IPPK: variants seen among roughly 807,000 people sequenced by gnomAD.
The protein encoded by IPPK is IPK1 homolog.
In IPPK, 22 loss-of-function variants were observed where a neutral mutation model predicts 64.6. That is an observed-to-expected ratio of 0.34 (90% CI 0.24 to 0.49). IPPK has a LOEUF of 0.49. Among genes scored for constraint, IPPK ranks in the 20% least tolerant of loss-of-function variants. IPPK has a pLI of 0.99. For missense variants in IPPK, 532 were observed against 630.7 expected (o/e 0.84, Z 1.68); for synonymous variants, 262 against 247.2 (o/e 1.06, Z -0.56).
At chr9:92,628,810 GA>G (rs996094779) in intron 11 of IPPK, among the ~76,000 whole-genome samples, 3 of 152,144 alleles carry the variant, frequency 2.0e-5, no homozygotes, top group Admixed American at 2.0e-4. Flanking sequence ...CCAGGAGGCA[GA>G]GGTTGTTGCA....
At chr9:92,659,152 GCA>G (rs1852431154) in intron 1 of IPPK, among the ~76,000 whole-genome samples, 1 of 152,154 alleles carries the variant, frequency 6.6e-6, no homozygotes, top group Admixed American at 6.5e-5. Context: ...ATACACGTGA[GCA>G]CACACACGTA....
intron 11 of IPPK, among the ~76,000 whole-genome samples, chr9:92,630,515 G>A (rs1283851504): frequency 1.3e-5 from 2 of 152,014 alleles, no homozygotes; most frequent in African/African-American, 4.8e-5. Context: ...ACTTTCAGTG[G>A]GTAAACTGTA....
At position 92,619,411 on chromosome 9, in the gene IPPK, T is replaced by C. The variant is rs922926235; in HGVS notation, c.1250+75A>G. On this transcript the variant is annotated intron_variant, in intron 12 of 12. Coordinates refer to ENST00000287996, the MANE Select transcript of IPPK (RefSeq NM_022755.6). ...TCTCTAAATATGGGGAAACCAACTATCCTATTAACAATTCACCAACTGTCC... is the reference window on the plus strand; with the variant it reads ...TCTCTAAATATGGGGAAACCAACTACCCTATTAACAATTCACCAACTGTCC... 13 of 1,201,234 alleles carry C rather than the reference T, an allele frequency of 1.1e-5. No individual in the cohort carries two copies. The East Asian group carries it at 2.6e-4, about 24-fold the overall frequency. The allele number at this position is 1,201,234 out of a possible 1,614,324, so 74.4% of individuals were successfully genotyped here.
intron 12 of IPPK, 112 bp from the exon 13 acceptor site, chr9:92,616,169 G>C: frequency 1.4e-6 from 1 of 733,678 alleles, no homozygotes; most frequent in South Asian, 1.9e-5. Flanking sequence ...TTTTTTCTTT[G>C]ACTTCTGCAA....
Position 92,646,026 on chromosome 9 carries a change from A to C in IPPK, c.504+2033T>G, listed in dbSNP as rs147600498. Reference sequence around the variant, plus strand: ...ATATAATTTAAGAGACAACTGCATAAGGTAATAATTACAAATCTGTATCAC... The same window carrying C: ...ATATAATTTAAGAGACAACTGCATACGGTAATAATTACAAATCTGTATCAC... On this transcript the variant is annotated intron_variant, in intron 6 of 12. Coordinates refer to ENST00000287996, the MANE Select transcript of IPPK (RefSeq NM_022755.6). Among the ~76,000 whole-genome samples, 291 of 152,324 alleles carry C rather than the reference A, an allele frequency of 1.9e-3. 1 individual carries two copies. Among genetic ancestry groups the C allele is most frequent in the African/African-American group, 6.4e-3 (268 of 41,576 alleles).
At chr9:92,625,009 C>T (rs561251071) in intron 11 of IPPK, among the ~76,000 whole-genome samples, 2 of 151,780 alleles carry the variant, frequency 1.3e-5, no homozygotes, top group Non-Finnish European at 2.9e-5. Context: ...GTCAGTACAA[C>T]AGTTAACCCT....
chr9:92,628,624 C>T (rs1381084616), intron 11 of IPPK, among the ~76,000 whole-genome samples: 1 of 152,154 alleles, frequency 6.6e-6, no homozygotes, highest in African/African-American at 2.4e-5. Context: ...AACTGTAATC[C>T]CAGTACTTTG....
At chr9:92,661,327 T>C (rs571925724) in intron 1 of IPPK, among the ~76,000 whole-genome samples, 3 of 152,142 alleles carry the variant, frequency 2.0e-5, no homozygotes, top group Non-Finnish European at 4.4e-5. Context: ...TGAAGCCAAG[T>C]TTAGAGGAGG....
At chr9:92,648,859 C>G (rs1403593290) in intron 5 of IPPK, among the ~76,000 whole-genome samples, 1 of 152,190 alleles carries the variant, frequency 6.6e-6, no homozygotes, top group Non-Finnish European at 1.5e-5. Context: ...CAAGGGGGGC[C>G]CTGGCCCATC....
At chr9:92,633,557 C>T (rs538243526) in intron 11 of IPPK, among the ~76,000 whole-genome samples, 41 of 151,878 alleles carry the variant, frequency 2.7e-4, no homozygotes, top group South Asian at 1.7e-3. Context: ...TAGAGATGGG[C>T]GTCTCACTAT....
chr9:92,619,630 C>T, intron 11 of IPPK, 65 bp from the exon 12 acceptor site: 1 of 1,390,792 alleles, frequency 7.2e-7, no homozygotes, highest in African/African-American at 1.4e-5. Context: ...ACACAACCTT[C>T]CTTCCCAGTA....
At chr9:92,629,649 A>G (rs1460052372) in intron 11 of IPPK, among the ~76,000 whole-genome samples, 2 of 151,428 alleles carry the variant, frequency 1.3e-5, no homozygotes, top group African/African-American at 2.4e-5. Flanking sequence ...CCAGCTACTC[A>G]GGAGGCTGAG....
At chr9:92,619,727 G>C (rs868715047) in intron 11 of IPPK, 162 bp from the exon 12 acceptor site, 2 of 656,714 alleles carry the variant, frequency 3.0e-6, no homozygotes, top group Non-Finnish European at 5.4e-6. Flanking sequence ...TCAGGAGGTC[G>C]CCCTGTGAGA....
At chr9:92,620,242 C>G in intron 11 of IPPK, 1 of 155,162 alleles carries the variant, frequency 6.4e-6, no homozygotes, top group Non-Finnish European at 1.4e-5. Context: ...TTACACTCTT[C>G]AACACATGCT....
At position 92,635,230 on chromosome 9, in the gene IPPK, A is replaced by G. The variant is rs1851917869; in HGVS notation, c.995T>C (p.Leu332Pro). ...AGGGTAGAGGCCTTCGATGTCCAGC[A>G]GGTCCAACATCTGCACCTGGAGGGT... is the stretch of plus-strand genomic sequence containing the variant. ...YKTLQVQMLD[L>P]LDIEGLYPLY... is the part of the protein sequence containing the mutation. The change falls in exon 10 of 13, where the codon CTG (leucine) becomes CCG (proline). Residue 332 changes from leucine to proline, a missense_variant. Coordinates refer to ENST00000287996, the MANE Select transcript of IPPK (RefSeq NM_022755.6). The surrounding 1 kb of genome is among the most constrained non-coding windows in gnomAD (Gnocchi z 4.4). The G allele has an allele frequency of 1.2e-6, 2 of 1,614,112 alleles. No homozygotes were observed. Among genetic ancestry groups the G allele is most frequent in the African/African-American group, 2.7e-5 (2 of 74,948 alleles).
chr9:92,634,253 T>A (rs2131432473), intron 11 of IPPK, 133 bp downstream of exon 11: 1 of 635,224 alleles, frequency 1.6e-6, no homozygotes, highest in East Asian at 2.7e-5. Flanking sequence ...TTCAGCCACT[T>A]CTTTTTGATC....
chr9:92,638,412 G>A (rs1851986035), intron 8 of IPPK, 132 bp from the exon 9 acceptor site: 3 of 999,208 alleles, frequency 3.0e-6, no homozygotes, highest in Non-Finnish European at 4.4e-6. Context: ...CCAATCTGGG[G>A]CCGCTGCATA....
intron 8 of IPPK, among the ~76,000 whole-genome samples, chr9:92,639,249 A>T (rs1381810987): frequency 5.9e-5 from 9 of 152,086 alleles, no homozygotes; most frequent in Middle Eastern, 3.4e-3. Context: ...GGGTTTTGCT[A>T]CGTTGCCCAG....
At chr9:92,649,317 G>T in intron 5 of IPPK, 136 bp downstream of exon 5, 1 of 960,420 alleles carries the variant, frequency 1.0e-6, no homozygotes, top group Non-Finnish European at 1.6e-6. Flanking sequence ...ACAGAAACAA[G>T]TGGAGTTTCC....
Sources: allele counts gnomAD v4.1 joint callset (sites outside exome capture counted in the v4.1 genomes callset), GRCh38; gene constraint gnomAD v4.1.1; non-coding constraint Gnocchi (gnomAD v3.1); transcripts MANE v1.5; gene names NCBI Gene and HGNC (gene_info 2026-07-23, HGNC 2026-07-21).